The following MYOCD variants were observed in gnomAD, a reference collection of about 807,000 sequenced individuals.
The protein encoded by MYOCD is myocardin.
MYOCD carries 32 observed loss-of-function variants against 96.1 expected under a neutral mutation model. The ratio of observed to expected loss-of-function variants is 0.33; its 90% confidence interval spans 0.25 to 0.45. The LOEUF is 0.45. Ranked by LOEUF, MYOCD falls within the 20% of genes least tolerant of loss-of-function variation. The pLI, the probability that MYOCD is intolerant of heterozygous loss-of-function variation, is 1.00. For missense variants in MYOCD, 1,133 were observed against 1,200.6 expected (o/e 0.94, Z 0.83); for synonymous variants, 469 against 469.0 (o/e 1.00, Z 0.00).
rs141070780 is a variant in MYOCD at position 12,678,765 on chromosome 17, G to A, written c.55+12522G>A. 4.6e-5 allele frequency among the ~76,000 whole-genome samples: 7 copies of A among 151,982 alleles called. No homozygotes were observed. The East Asian group carries it at 7.7e-4, about 17-fold the overall frequency. On this transcript the variant is annotated intron_variant, in intron 1 of 13. Transcript: ENST00000425538. ...GGCTGGAGTGCAGTGGCGCGATCTC[G>A]GCTCACTGCAAGCTCCACCTTCCGA...
rs71144920 is a variant in MYOCD, at chr17:12,719,174, C to CAAAAAAAAA, written c.253+1775_253+1783dup. ...GGGGCCACAGAGGGAGACTCTGTCT[C>CAAAAAAAAA]AAAAAAAAAAAAAAAAAAAAAAAAA... On this transcript the variant is annotated intron_variant, in intron 4 of 13. Transcript: ENST00000425538. Among the ~76,000 whole-genome samples the CAAAAAAAAA allele has an allele frequency of 1.8e-3, 87 of 49,166 alleles. 12 individuals carry two copies. The highest frequency in any genetic ancestry group is 3.7e-3 in the South Asian group (3 of 808). 32.3% of individuals were successfully genotyped at this position (49,166 alleles called of 152,430 possible).
intron 1 of MYOCD, among the ~76,000 whole-genome samples, chr17:12,686,805 G>T (rs577451428): frequency 2.6e-5 from 4 of 152,312 alleles, no homozygotes; most frequent in African/African-American, 9.6e-5. Context: ...AAAGGGAAGG[G>T]TTCCCTCTGC....
intron 1 of MYOCD, among the ~76,000 whole-genome samples, chr17:12,690,399 G>T (rs1339047392): frequency 6.6e-6 from 1 of 152,032 alleles, no homozygotes; most frequent in African/African-American, 2.4e-5. Flanking sequence ...CATAGTCCTG[G>T]TAAGAGTACA....
chr17:12,721,089 T>G (rs1189844779), intron 4 of MYOCD, among the ~76,000 whole-genome samples: 2 of 151,660 alleles, frequency 1.3e-5, no homozygotes, highest in Admixed American at 1.3e-4. Flanking sequence ...CATTTTTTTT[T>G]GCACACTTTT....
Position 12,740,143 on chromosome 17 carries a change from G to T in MYOCD, c.717+815G>T, listed in dbSNP as rs146431634. ...ATAGAGATGGGGTTTCACTGTGTTA[G>T]CCAGGATGGTCTTCATCTCCTGACC... On this transcript the variant is annotated intron_variant, in intron 7 of 13. Transcript: ENST00000425538. 6.4e-3 allele frequency among the ~76,000 whole-genome samples: 977 copies of T among 152,266 alleles called. 16 individuals carry two copies. The highest frequency in any genetic ancestry group is 0.038 in the East Asian group (195 of 5,178).
At chr17:12,674,666 T>C (rs1416949146) in intron 1 of MYOCD, among the ~76,000 whole-genome samples, 1 of 152,238 alleles carries the variant, frequency 6.6e-6, no homozygotes, top group Admixed American at 6.5e-5. Context: ...TATATACGCA[T>C]AGATTTAACC....
chr17:12,669,234 G>A (rs981694234), intron 1 of MYOCD, among the ~76,000 whole-genome samples: 4 of 152,162 alleles, frequency 2.6e-5, no homozygotes, highest in East Asian at 1.9e-4. Flanking sequence ...AGGGAGGTAC[G>A]TATGTGTGCC....
At chr17:12,749,565 T>TATATATATATATTTATGTATATAC (rs1555535106) in intron 9 of MYOCD, among the ~76,000 whole-genome samples, 45 of 148,618 alleles carry the variant, frequency 3.0e-4, no homozygotes, top group Middle Eastern at 3.5e-3. Context: ...TATACATATG[T>TATATATATATATTTATGTATATAC]ATATGTATAT....
chr17:12,717,648 G>C (rs1027594652), intron 4 of MYOCD, among the ~76,000 whole-genome samples: 1 of 152,206 alleles, frequency 6.6e-6, no homozygotes, highest in Admixed American at 6.5e-5. Flanking sequence ...AATCTCAGCT[G>C]TGCGATCTCC....
intron 5 of MYOCD, among the ~76,000 whole-genome samples, chr17:12,730,158 A>G (rs935554078): frequency 6.6e-6 from 1 of 151,616 alleles, no homozygotes; most frequent in South Asian, 2.1e-4. Context: ...CAAAAAAAGG[A>G]AAAAAAAGGC....
chr17:12,749,598 T>C (rs943760610), intron 9 of MYOCD, among the ~76,000 whole-genome samples: 13 of 146,932 alleles, frequency 8.8e-5, no homozygotes, highest in African/African-American at 3.3e-4. Flanking sequence ...TATATATGTG[T>C]GTATATATAT....
At chr17:12,670,486 C>T (rs1909641664) in intron 1 of MYOCD, among the ~76,000 whole-genome samples, 1 of 151,990 alleles carries the variant, frequency 6.6e-6, no homozygotes, top group African/African-American at 2.4e-5. Flanking sequence ...AGAAGTCGGT[C>T]CCCAAGATTT....
chr17:12,719,660 C>T (rs543256161), intron 4 of MYOCD, among the ~76,000 whole-genome samples: 1 of 145,088 alleles, frequency 6.9e-6, no homozygotes, highest in Non-Finnish European at 1.5e-5. Context: ...TGAGACCAGC[C>T]TGGCCAACAC....
intron 1 of MYOCD, among the ~76,000 whole-genome samples, chr17:12,689,623 G>A (rs533741367): frequency 1.3e-5 from 2 of 152,294 alleles, no homozygotes; most frequent in Admixed American, 1.3e-4. Flanking sequence ...CTTGAGGTCA[G>A]AAGGTCAAGA....
In MYOCD at chr17:12,744,431, G is replaced by A. The variant is rs1312986327; in HGVS notation, c.966G>A (p.Gln322=). 6.2e-7 allele frequency: 1 copy of A among 1,608,798 alleles called. No homozygotes were observed. The highest frequency in any genetic ancestry group is 8.5e-7 in the Non-Finnish European group (1 of 1,177,276). Residue 322 remains glutamine, a synonymous_variant, in exon 8 of 14, where the codon CAG becomes CAA. Coordinates refer to ENST00000425538, the MANE Select transcript of MYOCD (RefSeq NM_001146312.3). ...RFSYLGMHQA[Q]LKEPNEQMVR... is the part of the protein sequence containing the mutation. ...GCTACCTAGGGATGCACCAAGCTCAGCTTAAGTAAGTCCGGCAAGGCTGGG... is the reference window on the plus strand; with the variant it reads ...GCTACCTAGGGATGCACCAAGCTCAACTTAAGTAAGTCCGGCAAGGCTGGG...
intron 1 of MYOCD, 31 bp downstream of exon 1, chr17:12,666,274 A>G: frequency 6.5e-7 from 1 of 1,532,282 alleles, no homozygotes; most frequent in Non-Finnish European, 9.0e-7. Flanking sequence ...ATTCCTTCTT[A>G]AACTTTCCTC....
chr17:12,766,912 A>G lies in MYOCD; in HGVS notation c.*3268A>G, dbSNP rs1192004657. On this transcript the variant is annotated 3_prime_UTR_variant, in exon 14 of 14. Transcript: ENST00000425538. ...ATTAGTAGTGACCCTGCTTCTATCAACGTTATTGAGACAACACATATTCTA... is the reference window on the plus strand; with the variant it reads ...ATTAGTAGTGACCCTGCTTCTATCAGCGTTATTGAGACAACACATATTCTA... 1.3e-5 allele frequency: 2 copies of G among 151,970 alleles called. No individual in the cohort carries two copies. The highest frequency in any genetic ancestry group is 2.9e-5 in the Non-Finnish European group (2 of 67,990). The allele number at this position is 151,970 out of a possible 1,614,324, so 9.4% of individuals were successfully genotyped here. A position where few individuals can be genotyped will look rare whatever the true frequency, so the allele number is the denominator to read the frequency against.
chr17:12,755,250 C>T (rs2032978192), intron 10 of MYOCD, among the ~76,000 whole-genome samples: 1 of 152,172 alleles, frequency 6.6e-6, no homozygotes. Context: ...GATACTGCTG[C>T]TAACGTTGCA....
chr17:12,699,491 G>T (rs1301167968), intron 1 of MYOCD, among the ~76,000 whole-genome samples: 1 of 152,108 alleles, frequency 6.6e-6, no homozygotes, highest in African/African-American at 2.4e-5. Flanking sequence ...CTTACTTAAA[G>T]ATGATGCCCG....
Sources: gnomAD v4.1 joint callset for allele counts (sites outside exome capture counted in the v4.1 genomes callset) on GRCh38, gnomAD v4.1.1 for gene constraint, MANE v1.5 for transcripts, NCBI Gene and HGNC (gene_info 2026-07-23, HGNC 2026-07-21) for gene names.